Variants in SYT7 observed in about 807,000 individuals in gnomAD.
SYT7 encodes synaptotagmin 7, also known as synaptotagmin-7.
In SYT7, 29 loss-of-function variants were observed where a neutral mutation model predicts 75.1. The observed-to-expected ratio is 0.39, with a 90% CI of 0.29 to 0.53. The LOEUF is 0.53. SYT7 is among the 20% of genes least tolerant of loss of function. SYT7 has a pLI of 0.77. For missense variants in SYT7, 693 were observed against 953.2 expected, an observed-to-expected ratio of 0.73 and a Z score of 3.59; for synonymous variants, 376 against 401.7, an observed-to-expected ratio of 0.94 and a Z score of 0.76.
chr11:61,579,488 C>CT (rs879704361), intron 1 of SYT7, among the ~76,000 whole-genome samples: 80 of 152,340 alleles, frequency 5.3e-4, no homozygotes, highest in Non-Finnish European at 1.0e-3. Context: ...CAGTGCCTGG[C>CT]GCCCAGTGGG....
Position 61,546,764 on chromosome 11 carries a change from C to T in SYT7, c.347+413G>A. 2.6e-6 allele frequency: 1 copy of T among 387,200 alleles called. No homozygotes were observed. Among genetic ancestry groups the T allele is most frequent in the South Asian group, 1.9e-5 (1 of 53,388 alleles). 24.0% of individuals were successfully genotyped at this position (387,200 alleles called of 1,614,324 possible). On this transcript the variant is annotated intron_variant, in intron 4 of 12. Coordinates refer to ENST00000539008, the MANE Select transcript of SYT7 (RefSeq NM_001365809.2). The surrounding 1 kb of genome is among the most constrained non-coding windows in gnomAD (Gnocchi z 7.6). ...TCACCGCCACCACCGCCACGAACCACCGACCACCGACCACCGACCACCGAG... is the reference window on the plus strand; with the variant it reads ...TCACCGCCACCACCGCCACGAACCATCGACCACCGACCACCGACCACCGAG...
intron 2 of SYT7, 87 bp downstream of exon 2, chr11:61,556,000 ACCCTTGGGAAAATTCCC>A: frequency 4.7e-6 from 5 of 1,066,844 alleles, no homozygotes; most frequent in Non-Finnish European, 6.9e-6. Flanking sequence ...ACCTGTGTGC[ACCCTTGGGAAAATTCCC>A]AAGCCTGTAA....
intron 2 of SYT7, 77 bp downstream of exon 2, chr11:61,556,027 A>ATT: frequency 3.8e-6 from 5 of 1,299,392 alleles, no homozygotes; most frequent in Non-Finnish European, 5.4e-6. Context: ...CAAGCCTGTA[A>ATT]TTGTGTGTGT....
chr11:61,547,921 T>C (rs2063239780), intron 3 of SYT7, among the ~76,000 whole-genome samples: 1 of 152,230 alleles, frequency 6.6e-6, no homozygotes, highest in South Asian at 2.1e-4. Flanking sequence ...TTCTCCCCAC[T>C]GAGGCCCTCC....
upstream of SYT7, among the ~76,000 whole-genome samples, chr11:61,583,168 A>G (rs116712746): frequency 3.1e-3 from 467 of 152,078 alleles, 6 homozygotes; most frequent in African/African-American, 0.011. Context: ...TTGAGGCTGC[A>G]GTGAGCCATG....
At chr11:61,527,230 C>T (rs1000865586) in intron 9 of SYT7, among the ~76,000 whole-genome samples, 6 of 152,178 alleles carry the variant, frequency 3.9e-5, no homozygotes, top group African/African-American at 1.2e-4. Context: ...GGTCAGAGAA[C>T]GGCAACAGAT....
upstream of SYT7, among the ~76,000 whole-genome samples, chr11:61,582,030 G>A (rs1028348615): frequency 1.5e-4 from 23 of 151,964 alleles, no homozygotes; most frequent in Admixed American, 1.5e-3. Context: ...AACCATTAGT[G>A]GTATGGTAGG....
At chr11:61,530,788 T>C in intron 8 of SYT7, 2 of 985,070 alleles carry the variant, frequency 2.0e-6, no homozygotes, top group Non-Finnish European at 2.4e-6. Context: ...GGGTGGCAGC[T>C]CTATGCCCAC....
rs2063218396 is a variant in SYT7 at position 61,547,290 on chromosome 11, A to G, written c.234T>C (p.Phe78=). Residue 78 remains phenylalanine (F), a synonymous_variant, in exon 4 of 13, where the codon TTT becomes TTC. Coordinates refer to ENST00000539008, the MANE Select transcript of SYT7 (RefSeq NM_001365809.2). ...GCACTGTGCTCTCATTGTTATTCCA[A>G]AAGTCTCTGTCTAGATCACTGGAGG... ...KKAINDLDRD[F]WNNNESTVQQ... 1 of 1,535,788 alleles carries G rather than the reference A, an allele frequency of 6.5e-7. No homozygotes were observed. Among genetic ancestry groups the G allele is most frequent in the East Asian group, 2.4e-5 (1 of 40,890 alleles).
chr11:61,533,085 C>A lies in SYT7; in HGVS notation c.1104G>T (p.Val368=). 6.2e-7 allele frequency: 1 copy of A among 1,610,294 alleles called. No individual in the cohort carries two copies. Among genetic ancestry groups the A allele is most frequent in the Non-Finnish European group, 8.5e-7 (1 of 1,178,470 alleles). ...AGGKAVNTAP[V]PGQTPHDESD... Reference sequence around the variant, plus strand: ...ACTCATCGTGGGGTGTCTGGCCTGGCACGGGGGCTGTGTTCACCGCCTTCC... The same window carrying A: ...ACTCATCGTGGGGTGTCTGGCCTGGAACGGGGGCTGTGTTCACCGCCTTCC... Residue 368 remains valine (V), a synonymous_variant, in exon 8 of 13, where the codon GTG becomes GTT. Coordinates refer to ENST00000539008, the MANE Select transcript of SYT7 (RefSeq NM_001365809.2).
rs185476278 is a variant in SYT7, at chr11:61,558,899, C to T, written c.32-2692G>A. On this transcript the variant is annotated intron_variant, in intron 1 of 12. Transcript: ENST00000539008. ...CTGGGATAACAGGCACCCAACACCA[C>T]ACCCGGCTAATTTTTTGTATTTTTA... Among the ~76,000 whole-genome samples, 18 of 152,300 alleles carry T rather than the reference C, an allele frequency of 1.2e-4. No individual in the cohort carries two copies. In the East Asian group the frequency reaches 3.5e-3, roughly 29 times the overall value.
chr11:61,555,675 G>A (rs571384293), intron 2 of SYT7, among the ~76,000 whole-genome samples: 4 of 152,342 alleles, frequency 2.6e-5, no homozygotes, highest in Admixed American at 2.6e-4. Context: ...GCCCATGGAG[G>A]GGAGCGGGCA....
At chr11:61,520,838 A>T (rs530695881) in intron 12 of SYT7, among the ~76,000 whole-genome samples, 1 of 152,260 alleles carries the variant, frequency 6.6e-6, no homozygotes, top group South Asian at 2.1e-4. Flanking sequence ...ACAAAACAAA[A>T]CGAAACAAAA....
intron 1 of SYT7, among the ~76,000 whole-genome samples, chr11:61,578,867 T>C (rs2064157612): frequency 6.6e-6 from 1 of 152,086 alleles, no homozygotes; most frequent in Non-Finnish European, 1.5e-5. Flanking sequence ...CAGCTGCAAC[T>C]GGGGTGGGCA....
chr11:61,544,870 G>A (rs775615227), intron 5 of SYT7, among the ~76,000 whole-genome samples: 6 of 152,160 alleles, frequency 3.9e-5, no homozygotes, highest in African/African-American at 1.2e-4. Context: ...GCCAACTAGC[G>A]AAAGAGATCT....
At chr11:61,579,776 T>A (rs1012661902) in intron 1 of SYT7, among the ~76,000 whole-genome samples, 2 of 152,168 alleles carry the variant, frequency 1.3e-5, no homozygotes, top group African/African-American at 4.8e-5. Context: ...TGGGAGCACA[T>A]CCTGGGCTGG....
chr11:61,573,474 A>C (rs774218845), intron 1 of SYT7, among the ~76,000 whole-genome samples: 3 of 152,174 alleles, frequency 2.0e-5, no homozygotes, highest in Non-Finnish European at 2.9e-5. Flanking sequence ...AATGGCTGAG[A>C]TTCTAGCTCC....
intron 5 of SYT7, among the ~76,000 whole-genome samples, chr11:61,545,197 CAG>C (rs780987719): frequency 2.0e-5 from 3 of 152,182 alleles, no homozygotes; most frequent in Admixed American, 6.5e-5. Flanking sequence ...CTGTGGAAAA[CAG>C]GGGCCAATCC....
Position 61,524,537 on chromosome 11 carries a change from G to A in SYT7, c.1472-5C>T. The A allele has an allele frequency of 1.9e-6, 3 of 1,575,162 alleles. No individual in the cohort carries two copies. The highest frequency in any genetic ancestry group is 1.7e-6 in the Non-Finnish European group (2 of 1,159,068). On this transcript the variant is annotated splice_polypyrimidine_tract_variant and splice_region_variant and intron_variant, in intron 9 of 12. Transcript: ENST00000539008. The surrounding 1 kb of genome is among the most constrained non-coding windows in gnomAD (Gnocchi z 4.1). Reference sequence around the variant, plus strand: ...CCACCTTCTCATAGGGAAAACCTGGGGGTATAGATGAGTGTGAGTGAAGAG... The same window carrying A: ...CCACCTTCTCATAGGGAAAACCTGGAGGTATAGATGAGTGTGAGTGAAGAG...
Sources: gnomAD v4.1 joint callset for allele counts (sites outside exome capture counted in the v4.1 genomes callset) on GRCh38, gnomAD v4.1.1 for gene constraint, Gnocchi (gnomAD v3.1) non-coding constraint, MANE v1.5 for transcripts, NCBI Gene and HGNC (gene_info 2026-07-23, HGNC 2026-07-21) for gene names.